IQGAP1: variants seen among roughly 807,000 people sequenced by gnomAD.
IQGAP1 encodes the protein ras GTPase-activating-like protein IQGAP1.
In IQGAP1, 66 loss-of-function variants were observed where a neutral mutation model predicts 215.6. That is an observed-to-expected ratio of 0.31 (90% CI 0.25 to 0.38). The LOEUF is 0.38. IQGAP1 is among the 10% of genes least tolerant of loss of function. The pLI is 1.00. For synonymous variants in IQGAP1, 772 were observed against 728.7 expected, an observed-to-expected ratio of 1.06 and a Z score of -0.96; for missense variants, 1,712 against 1,997.1, an observed-to-expected ratio of 0.86 and a Z score of 2.72.
chr15:90,437,146 C>T (rs1316996418), intron 5 of IQGAP1, among the ~76,000 whole-genome samples: 1 of 152,314 alleles, frequency 6.6e-6, no homozygotes, highest in African/African-American at 2.4e-5. Flanking sequence ...TCACGTCTCA[C>T]GTGGCAGGAA....
In IQGAP1 at chr15:90,453,263, TA is replaced by T; in HGVS notation, c.1459del (p.Thr487ProfsTer15). On this transcript the variant is annotated frameshift_variant, in exon 13 of 38. Transcript: ENST00000268182. LOFTEE classifies it high-confidence loss of function. ...KQLSSSVTGL[T>X]NIEEENCQRY... ...AATTGAGCAGTTCAGTTACTGGTCTTACCAATATTGAGGAAGAAAACTGTCA... is the reference window on the plus strand; with the variant it reads ...AATTGAGCAGTTCAGTTACTGGTCTTCCAATATTGAGGAAGAAAACTGTCA... The T allele has an allele frequency of 6.2e-7, 1 of 1,613,238 alleles. No individual in the cohort carries two copies. The highest frequency in any genetic ancestry group is 2.2e-5 in the East Asian group (1 of 44,866).
chr15:90,419,140 GA>G (rs200209041), intron 2 of IQGAP1, among the ~76,000 whole-genome samples: 48,893 of 112,274 alleles, frequency 0.44, 8,271 homozygotes, highest in East Asian at 0.68. Context: ...TCTCAAAAAA[GA>G]AAAAAAAAAA....
At chr15:90,432,125 T>C (rs1315447743) in intron 4 of IQGAP1, among the ~76,000 whole-genome samples, 2 of 152,202 alleles carry the variant, frequency 1.3e-5, no homozygotes. Context: ...GTATCTTCAG[T>C]TGGCTGCTGG....
rs896227506 is a variant in IQGAP1 at position 90,502,102 on chromosome 15, C to T, written c.*1994C>T. On this transcript the variant is annotated 3_prime_UTR_variant, in exon 38 of 38. Coordinates refer to ENST00000268182, the MANE Select transcript of IQGAP1 (RefSeq NM_003870.4). ...CATTCTCTGTCTCCTCTCTCTCCTC[C>T]TTTGACCTTCTCCTCGACCAGCCAT... 1 of 152,690 alleles carries T rather than the reference C, an allele frequency of 6.5e-6. No individual in the cohort carries two copies. The highest frequency in any genetic ancestry group is 2.4e-5 in the African/African-American group (1 of 41,476). The allele number at this position is 152,690 out of a possible 1,614,324, so 9.5% of individuals were successfully genotyped here.
intron 32 of IQGAP1, 106 bp downstream of exon 32, chr15:90,487,195 C>A (rs551682655): frequency 5.6e-5 from 61 of 1,088,996 alleles, no homozygotes; most frequent in African/African-American, 1.6e-5. Flanking sequence ...CCTGACCTCT[C>A]GTACTTGTCA....
At chr15:90,446,660 C>T (rs188637251) in intron 9 of IQGAP1, among the ~76,000 whole-genome samples, 60 of 152,184 alleles carry the variant, frequency 3.9e-4, no homozygotes, top group Middle Eastern at 3.4e-3. Context: ...ATAGGGACTT[C>T]GGGTTCCAGG....
intron 8 of IQGAP1, among the ~76,000 whole-genome samples, 189 bp from the exon 9 acceptor site, chr15:90,443,205 C>G (rs1205106032): frequency 1.3e-5 from 2 of 152,170 alleles, no homozygotes; most frequent in African/African-American, 4.8e-5. Context: ...AAGCCATCTT[C>G]CCACCTTGGC....
At chr15:90,389,539 T>G (rs1964604759) in intron 1 of IQGAP1, among the ~76,000 whole-genome samples, 1 of 151,916 alleles carries the variant, frequency 6.6e-6, no homozygotes, top group South Asian at 2.1e-4. Context: ...ACTGTGTTGG[T>G]CAGGCTGGTC....
intron 1 of IQGAP1, among the ~76,000 whole-genome samples, chr15:90,388,624 C>T (rs1964587663): frequency 6.6e-6 from 1 of 152,114 alleles, no homozygotes; most frequent in Non-Finnish European, 1.5e-5. Flanking sequence ...CCCGCCTTAG[C>T]TGGGGCCGCG....
At chr15:90,433,306 C>T (rs998053175) in intron 4 of IQGAP1, among the ~76,000 whole-genome samples, 1 of 152,134 alleles carries the variant, frequency 6.6e-6, no homozygotes, top group African/African-American at 2.4e-5. Flanking sequence ...AGTTGTTTCT[C>T]CATCTAGGCA....
intron 15 of IQGAP1, among the ~76,000 whole-genome samples, chr15:90,457,689 G>A (rs1197690842): frequency 2.0e-5 from 3 of 149,460 alleles, no homozygotes; most frequent in Non-Finnish European, 4.4e-5. Context: ...TGATCTGCCC[G>A]CCTCAGCCTC....
intron 2 of IQGAP1, among the ~76,000 whole-genome samples, chr15:90,394,998 G>T (rs1021846430): frequency 6.6e-6 from 1 of 152,180 alleles, no homozygotes; most frequent in East Asian, 1.9e-4. Context: ...TTCTGTGGCT[G>T]TGGGTTTGTG....
At chr15:90,464,036 C>T (rs752883138) in intron 15 of IQGAP1, among the ~76,000 whole-genome samples, 1 of 152,206 alleles carries the variant, frequency 6.6e-6, no homozygotes, top group African/African-American at 2.4e-5. Context: ...CAGACCCTGC[C>T]TCATTTAGGC....
Position 90,466,488 on chromosome 15 carries a change from G to T in IQGAP1, c.2035+52G>T, listed in dbSNP as rs767810638. 37 of 1,559,562 alleles carry T rather than the reference G, an allele frequency of 2.4e-5. No homozygotes were observed. The Middle Eastern group carries it at 5.1e-4, about 22-fold the overall frequency. On this transcript the variant is annotated intron_variant, in intron 17 of 37. Transcript: ENST00000268182. ...CCCTGAAGCTAACCCTTGAGTATAT[G>T]AGGGGACAGATGTAGAGGAAAGGGA...
intron 26 of IQGAP1, among the ~76,000 whole-genome samples, chr15:90,478,224 C>T (rs893304361): frequency 6.6e-6 from 1 of 152,168 alleles, no homozygotes; most frequent in Admixed American, 6.5e-5. Context: ...CTCCTGACCT[C>T]AGGCAATCCA....
At chr15:90,481,412 T>G (rs1016063126) in intron 26 of IQGAP1, among the ~76,000 whole-genome samples, 22 of 152,104 alleles carry the variant, frequency 1.4e-4, no homozygotes, top group Admixed American at 1.1e-3. Context: ...TCCTTCTGGT[T>G]TCTAACAAAG....
At chr15:90,407,142 C>T (rs1434605059) in intron 2 of IQGAP1, among the ~76,000 whole-genome samples, 1 of 152,176 alleles carries the variant, frequency 6.6e-6, no homozygotes, top group South Asian at 2.1e-4. Context: ...AGCTGAGGAA[C>T]CACTCCCAAT....
chr15:90,396,803 G>C (rs949211625), intron 2 of IQGAP1, among the ~76,000 whole-genome samples: 6 of 152,158 alleles, frequency 3.9e-5, no homozygotes, highest in African/African-American at 1.2e-4. Flanking sequence ...TTCCTAATGT[G>C]GCTGCCGAAA....
chr15:90,416,722 T>C (rs2589953), intron 2 of IQGAP1, among the ~76,000 whole-genome samples: 88,367 of 151,712 alleles, frequency 0.58, 27,748 homozygotes, highest in East Asian at 0.83. Flanking sequence ...GGATTACAGG[T>C]GCCCGCCACC....
Sources: allele counts gnomAD v4.1 joint callset (sites outside exome capture counted in the v4.1 genomes callset), GRCh38; gene constraint gnomAD v4.1.1; transcripts MANE v1.5; gene names NCBI Gene and HGNC (gene_info 2026-07-23, HGNC 2026-07-21).